The following CDIN1 variants were observed in gnomAD, a reference collection of about 807,000 sequenced individuals.
CDIN1 encodes the protein CDAN1-interacting nuclease 1.
A neutral mutation model predicts 45.3 loss-of-function variants in CDIN1; 33 were observed. That is an observed-to-expected ratio of 0.73 (90% CI 0.55 to 0.97). The LOEUF (loss-of-function observed/expected upper bound fraction) is 0.97, where lower values mean the gene tolerates loss of function less well. CDIN1 is among the 50% of genes least tolerant of loss of function. CDIN1 has a pLI of 0.00. For missense variants in CDIN1, 303 were observed against 339.4 expected (o/e 0.89, Z 0.84); for synonymous variants, 118 against 124.4 (o/e 0.95, Z 0.34).
At chr15:36,763,061 T>C (rs1056921719) in intron 10 of CDIN1, among the ~76,000 whole-genome samples, 1 of 152,234 alleles carries the variant, frequency 6.6e-6, no homozygotes, top group Non-Finnish European at 1.5e-5. Context: ...CCCTGAGGAA[T>C]CACCACGCTG....
chr15:36,761,112 C>T (rs1185773949), intron 10 of CDIN1, among the ~76,000 whole-genome samples: 6 of 152,160 alleles, frequency 3.9e-5, no homozygotes, highest in African/African-American at 1.4e-4. Flanking sequence ...AGGCACTTAA[C>T]AATTAGAAAG....
intron 4 of CDIN1, 48 bp from the exon 5 acceptor site, chr15:36,657,785 T>G: frequency 6.8e-7 from 1 of 1,466,488 alleles, no homozygotes; most frequent in Non-Finnish European, 9.4e-7. Flanking sequence ...GAGTATCCAC[T>G]GCTCGCACAA....
chr15:36,654,835 A>G (rs1456508622), intron 4 of CDIN1, among the ~76,000 whole-genome samples: 1 of 152,236 alleles, frequency 6.6e-6, no homozygotes, highest in Non-Finnish European at 1.5e-5. Context: ...TGCAGAGAGC[A>G]TACCAAAAAA....
chr15:36,726,133 G>C (rs2043616074), intron 10 of CDIN1, among the ~76,000 whole-genome samples: 1 of 152,206 alleles, frequency 6.6e-6, no homozygotes, highest in South Asian at 2.1e-4. Context: ...AATTAGGACT[G>C]AAATTTTGAA....
At chr15:36,658,959 A>C (rs953014233) in intron 5 of CDIN1, among the ~76,000 whole-genome samples, 1 of 152,208 alleles carries the variant, frequency 6.6e-6, no homozygotes, top group Non-Finnish European at 1.5e-5. Context: ...ACCTGCAGTG[A>C]TGCTTCATGA....
chr15:36,794,401 C>A (rs1327389205), intron 10 of CDIN1, among the ~76,000 whole-genome samples: 1 of 152,092 alleles, frequency 6.6e-6, no homozygotes, highest in Non-Finnish European at 1.5e-5. Flanking sequence ...TGCAACAGAT[C>A]TCTAGAACTT....
intron 5 of CDIN1, among the ~76,000 whole-genome samples, chr15:36,680,388 A>G (rs941231835): frequency 3.3e-5 from 5 of 152,240 alleles, no homozygotes; most frequent in Non-Finnish European, 4.4e-5. Flanking sequence ...TGAACTTATT[A>G]CTAAAGGGCC....
rs140947804 is a variant in CDIN1 at position 36,706,684 on chromosome 15, G to A, written c.545-2539G>A. 211 of 152,148 alleles carry A rather than the reference G, an allele frequency of 1.4e-3. 1 individual carries two copies. The highest frequency in any genetic ancestry group is 4.9e-3 in the African/African-American group (204 of 41,538). 9.4% of individuals were successfully genotyped at this position (152,148 alleles called of 1,614,324 possible). ...CATCAGTATTAAGGAAAGAGATGCT[G>A]TCTTTTTTACAAAATTGAGATGAAC... On this transcript the variant is annotated intron_variant, in intron 8 of 10. Coordinates refer to ENST00000566621, the MANE Select transcript of CDIN1 (RefSeq NM_001321759.2).
At chr15:36,801,686 T>G (rs980109493) in intron 10 of CDIN1, among the ~76,000 whole-genome samples, 11 of 152,206 alleles carry the variant, frequency 7.2e-5, no homozygotes, top group South Asian at 4.1e-4. Context: ...TCTGAACCCC[T>G]TCACAGCGTG....
chr15:36,796,868 A>G (rs1021068896), intron 10 of CDIN1, among the ~76,000 whole-genome samples: 49 of 152,236 alleles, frequency 3.2e-4, no homozygotes, highest in African/African-American at 1.1e-3. Context: ...TTCTAACTAT[A>G]AAGTTGACCT....
chr15:36,617,910 A>G (rs1370744963), intron 1 of CDIN1: 3 of 766,568 alleles, frequency 3.9e-6, no homozygotes, highest in East Asian at 4.9e-5. Context: ...AAAGCCATCA[A>G]TACATTTTTT....
At chr15:36,598,015 G>A (rs901730173) in intron 1 of CDIN1, among the ~76,000 whole-genome samples, 6 of 152,044 alleles carry the variant, frequency 3.9e-5, no homozygotes, top group South Asian at 2.1e-4. Flanking sequence ...TTTTGAGACC[G>A]GGTCTCACTC....
At chr15:36,644,769 C>G (rs1046887705) in intron 2 of CDIN1, among the ~76,000 whole-genome samples, 4 of 152,114 alleles carry the variant, frequency 2.6e-5, no homozygotes, top group Non-Finnish European at 5.9e-5. Flanking sequence ...TATGGAATTA[C>G]TTTTTGTAGT....
intron 1 of CDIN1, chr15:36,641,982 C>T (rs1056396368): frequency 2.0e-5 from 3 of 152,204 alleles, no homozygotes; most frequent in Admixed American, 6.5e-5. Context: ...TGAATTTATT[C>T]TGTAACTTCT....
At chr15:36,620,717 A>G (rs1595756264) in intron 1 of CDIN1, among the ~76,000 whole-genome samples, 1 of 152,228 alleles carries the variant, frequency 6.6e-6, no homozygotes, top group East Asian at 1.9e-4. Flanking sequence ...ATTTGCTGTC[A>G]GTGTTAAAGA....
At chr15:36,664,569 A>G (rs982558394) in intron 5 of CDIN1, among the ~76,000 whole-genome samples, 7 of 151,276 alleles carry the variant, frequency 4.6e-5, no homozygotes, top group African/African-American at 1.7e-4. Context: ...TTTTTTTGAG[A>G]CGGAGTCTCG....
intron 10 of CDIN1, among the ~76,000 whole-genome samples, chr15:36,750,894 A>G (rs1240586865): frequency 6.6e-6 from 1 of 152,086 alleles, no homozygotes; most frequent in East Asian, 1.9e-4. Context: ...GTGTGGGGCT[A>G]GTTGGGTGGA....
intron 1 of CDIN1, among the ~76,000 whole-genome samples, chr15:36,582,499 T>G (rs1467584326): frequency 1.3e-5 from 2 of 152,274 alleles, no homozygotes; most frequent in African/African-American, 4.8e-5. Context: ...ATGATGCCTA[T>G]GATTTGTGCC....
At chr15:36,804,024 T>TA (rs758693924) in intron 10 of CDIN1, among the ~76,000 whole-genome samples, 4 of 152,226 alleles carry the variant, frequency 2.6e-5, no homozygotes, top group Non-Finnish European at 5.9e-5. Flanking sequence ...GCCTTGGTTC[T>TA]AAAACTGGTT....
Sources: allele counts gnomAD v4.1 joint callset (sites outside exome capture counted in the v4.1 genomes callset), GRCh38; gene constraint gnomAD v4.1.1; transcripts MANE v1.5; gene names NCBI Gene and HGNC (gene_info 2026-07-23, HGNC 2026-07-21).